ELF2: variants seen among roughly 807,000 people sequenced by gnomAD.
ELF2 encodes E74 like ETS transcription factor 2.
A neutral mutation model predicts 54.8 loss-of-function variants in ELF2; 11 were observed. That is an observed-to-expected ratio of 0.20 (90% CI 0.13 to 0.33). The LOEUF is 0.33. ELF2 is among the 10% of genes least tolerant of loss of function. The pLI is 1.00. For synonymous variants in ELF2, 203 were observed against 245.1 expected, an observed-to-expected ratio of 0.83 and a Z score of 1.61; for missense variants, 513 against 703.0, an observed-to-expected ratio of 0.73 and a Z score of 3.06.
intron 1 of ELF2, among the ~76,000 whole-genome samples, chr4:139,161,652 T>TTAA (rs1741155694): frequency 4.3e-5 from 3 of 70,020 alleles, no homozygotes; most frequent in Admixed American, 2.0e-4. Context: ...TAAAACTGTT[T>TTAA]AAAAAAAAAA....
chr4:139,175,856 G>A (rs1015828841), intron 1 of ELF2, among the ~76,000 whole-genome samples: 2 of 152,180 alleles, frequency 1.3e-5, no homozygotes, highest in African/African-American at 4.8e-5. Context: ...AAACTTAAAG[G>A]CTATTCTGCA....
Position 139,084,077 on chromosome 4 carries a change from G to C in ELF2, c.239-10510C>G, listed in dbSNP as rs1184090072. On this transcript the variant is annotated intron_variant, in intron 4 of 9. Transcript: ENST00000686138. ...CTACAGGGGAGTCACCCCGCCTTCT[G>C]TGCACCCCCTCTCCTGCTGCACCGA... 3.1e-6 allele frequency: 5 copies of C among 1,610,722 alleles called. No individual in the cohort carries two copies. The East Asian group carries it at 1.1e-4, about 36-fold the overall frequency.
At chr4:139,085,471 A>C (rs1731879018) in intron 4 of ELF2, among the ~76,000 whole-genome samples, 1 of 152,206 alleles carries the variant, frequency 6.6e-6, no homozygotes, top group African/African-American at 2.4e-5. Context: ...AGAGAAAAAA[A>C]TGTTTTCAGT....
intron 4 of ELF2, among the ~76,000 whole-genome samples, chr4:139,074,736 G>A (rs1229077079): frequency 6.6e-6 from 1 of 151,360 alleles, no homozygotes; most frequent in Admixed American, 6.6e-5. Context: ...CTCCAGCCTG[G>A]GCGACAGAGT....
intron 3 of ELF2, among the ~76,000 whole-genome samples, chr4:139,129,512 T>C (rs1737280182): frequency 6.6e-6 from 1 of 152,228 alleles, no homozygotes; most frequent in Admixed American, 6.5e-5. Context: ...CAGTCAACAC[T>C]TCAAGCTTAA....
chr4:139,060,538 T>C lies in ELF2; in HGVS notation c.943A>G (p.Thr315Ala). 4 of 1,614,240 alleles carry C rather than the reference T, an allele frequency of 2.5e-6. No individual in the cohort carries two copies. The highest frequency in any genetic ancestry group is 2.5e-6 in the Non-Finnish European group (3 of 1,180,042). ...ETCNEDLAGT[T>A]DEKSLERVSL... ...ACTCGTTCTAATGATTTTTCATCAG[T>C]AGTTCCTGCTAAATCTTCATTACAG... Residue 315 changes from threonine (T) to alanine (A), a missense_variant, in exon 9 of 10, where the codon ACT (threonine) becomes GCT (alanine). Coordinates refer to ENST00000686138, the MANE Select transcript of ELF2 (RefSeq NM_001331036.3).
At chr4:139,140,951 T>C (rs961834236) in intron 1 of ELF2, among the ~76,000 whole-genome samples, 2 of 152,146 alleles carry the variant, frequency 1.3e-5, no homozygotes, top group Admixed American at 1.3e-4. Context: ...ACTGAAACTT[T>C]TACTAAATTC....
At chr4:139,115,805 C>T (rs1175022935) in intron 4 of ELF2, among the ~76,000 whole-genome samples, 1 of 152,108 alleles carries the variant, frequency 6.6e-6, no homozygotes, top group Admixed American at 6.5e-5. Flanking sequence ...GATAGCATCT[C>T]AGGCTAAATG....
chr4:139,114,888 G>C, intron 4 of ELF2: 9 of 1,608,640 alleles, frequency 5.6e-6, no homozygotes, highest in Non-Finnish European at 7.7e-6. Context: ...GGGGGGCAGC[G>C]ATTGTCCTGT....
chr4:139,177,646 G>C (rs1331668138), upstream of ELF2, among the ~76,000 whole-genome samples: 1 of 152,030 alleles, frequency 6.6e-6, no homozygotes, highest in Non-Finnish European at 1.5e-5. Flanking sequence ...CTGCCGCACG[G>C]GGCAGGCGTG....
intron 1 of ELF2, among the ~76,000 whole-genome samples, chr4:139,146,087 TCG>T (rs1178536806): frequency 1.3e-5 from 2 of 152,208 alleles, no homozygotes; most frequent in African/African-American, 4.8e-5. Context: ...AGTCAAACTA[TCG>T]CTGTTTGCTG....
chr4:139,138,169 A>C (rs961824614), intron 2 of ELF2, among the ~76,000 whole-genome samples: 5 of 152,212 alleles, frequency 3.3e-5, no homozygotes, highest in African/African-American at 1.2e-4. Context: ...TGTATATTCC[A>C]GCACTTTGGG....
intron 1 of ELF2, among the ~76,000 whole-genome samples, chr4:139,162,463 G>A (rs1418628065): frequency 6.6e-6 from 1 of 152,034 alleles, no homozygotes; most frequent in African/African-American, 2.4e-5. Context: ...CCCGGGAAGT[G>A]GAGGTTGCAG....
rs780374033 is a variant in ELF2 at position 139,062,064 on chromosome 4, A to C, written c.614-7T>G. 46 of 1,608,670 alleles carry C rather than the reference A, an allele frequency of 2.9e-5. No homozygotes were observed. Among genetic ancestry groups the C allele is most frequent in the Non-Finnish European group, 3.2e-5 (38 of 1,177,868 alleles). On this transcript the variant is annotated splice_polypyrimidine_tract_variant and splice_region_variant and intron_variant, in intron 7 of 9. Transcript: ENST00000686138. ...CACAAATAGGTTGTGTTTCCTTTAA[A>C]AACAATGACAGACATTGATTAAAAT...
chr4:139,150,732 AAG>A (rs1475309283), intron 1 of ELF2, among the ~76,000 whole-genome samples: 1 of 151,814 alleles, frequency 6.6e-6, no homozygotes, highest in Non-Finnish European at 1.5e-5. Flanking sequence ...ATCAATGAAA[AAG>A]AGAGCTAGCT....
At chr4:139,082,516 G>T (rs1228261102) in intron 4 of ELF2, among the ~76,000 whole-genome samples, 1 of 152,080 alleles carries the variant, frequency 6.6e-6, no homozygotes, top group African/African-American at 2.4e-5. Context: ...ACATTTTATA[G>T]AATAAAAGAC....
intron 6 of ELF2, among the ~76,000 whole-genome samples, chr4:139,070,725 G>T (rs1334192507): frequency 6.6e-6 from 1 of 152,132 alleles, no homozygotes; most frequent in Non-Finnish European, 1.5e-5. Context: ...CTTACATCAG[G>T]AAGTAACTCT....
intron 1 of ELF2, among the ~76,000 whole-genome samples, chr4:139,160,226 T>G (rs1265176422): frequency 6.6e-6 from 1 of 152,144 alleles, no homozygotes; most frequent in Admixed American, 6.5e-5. Flanking sequence ...AGTCAGTTAC[T>G]GGGAACACTG....
At chr4:139,160,629 C>G (rs1421358922) in intron 1 of ELF2, among the ~76,000 whole-genome samples, 1 of 151,906 alleles carries the variant, frequency 6.6e-6, no homozygotes, top group Non-Finnish European at 1.5e-5. Context: ...AAACACTGAC[C>G]CTGTCTTTCA....
Sources: allele counts gnomAD v4.1 joint callset (sites outside exome capture counted in the v4.1 genomes callset), GRCh38; gene constraint gnomAD v4.1.1; transcripts MANE v1.5; gene names NCBI Gene and HGNC (gene_info 2026-07-23, HGNC 2026-07-21).